Variants in ABCC5 observed in about 807,000 individuals in gnomAD.
ABCC5 encodes the protein ATP binding cassette subfamily C member 5.
In ABCC5, 61 loss-of-function variants were observed where a neutral mutation model predicts 160.9. The observed-to-expected ratio is 0.38, with a 90% CI of 0.31 to 0.47. The LOEUF (loss-of-function observed/expected upper bound fraction) is 0.47. Among genes scored for constraint, ABCC5 ranks in the 20% least tolerant of loss-of-function variants. ABCC5 has a pLI of 0.99. For synonymous variants in ABCC5, 666 were observed against 700.6 expected, an observed-to-expected ratio of 0.95 and a Z score of 0.78; for missense variants, 1,308 against 1,813.3, an observed-to-expected ratio of 0.72 and a Z score of 5.06.
At chr3:183,989,157 C>CAAAAAAAAAAAAAAAAAAAAAAAAAAAA in intron 3 of ABCC5, 69 bp downstream of exon 3, 1 of 473,422 alleles carries the variant, frequency 2.1e-6, no homozygotes, top group Non-Finnish European at 3.0e-6. Context: ...GACTCCATCT[C>CAAAAAAAAAAAAAAAAAAAAAAAAAAAA]AAAAAAAAAA....
chr3:183,940,387 T>C (rs1442961630), intron 25 of ABCC5, among the ~76,000 whole-genome samples: 1 of 137,496 alleles, frequency 7.3e-6, no homozygotes, highest in Non-Finnish European at 1.5e-5. Context: ...CATGTGCCTG[T>C]AATCCCAGCT....
intron 18 of ABCC5, 112 bp from the exon 19 acceptor site, chr3:183,952,115 C>T: frequency 9.6e-7 from 1 of 1,040,776 alleles, no homozygotes; most frequent in South Asian, 2.1e-5. Context: ...ATGACCCACC[C>T]TGGGACCTGG....
At chr3:183,956,222 AAATCACATCGGTTACATGCAGATCCG>A (rs1715929557) in intron 17 of ABCC5, among the ~76,000 whole-genome samples, 1 of 147,104 alleles carries the variant, frequency 6.8e-6, no homozygotes, top group Non-Finnish European at 1.5e-5. Context: ...ATCCGTGTGT[AAATCACATCGGTTACATGCAGATCCG>A]TGTGTAAATC....
chr3:183,942,687 A>G, intron 25 of ABCC5, 40 bp downstream of exon 25: 3 of 1,593,518 alleles, frequency 1.9e-6, no homozygotes, highest in Non-Finnish European at 2.6e-6. Context: ...ATAAACTGCT[A>G]CGTTCCAATG....
chr3:183,935,460 G>C (rs1713612069), intron 26 of ABCC5, among the ~76,000 whole-genome samples: 1 of 151,740 alleles, frequency 6.6e-6, no homozygotes, highest in African/African-American at 2.4e-5. Context: ...GATTACAGGT[G>C]TGAGCCACCG....
At chr3:183,984,468 G>C (rs184585852) in intron 5 of ABCC5, 49 of 1,041,622 alleles carry the variant, frequency 4.7e-5, no homozygotes, top group Middle Eastern at 9.4e-4. Context: ...CGGTCTGGAG[G>C]TAGCTACGCT....
chr3:183,996,281 G>A (rs1405542037), intron 2 of ABCC5, among the ~76,000 whole-genome samples: 1 of 152,126 alleles, frequency 6.6e-6, no homozygotes, highest in East Asian at 1.9e-4. Flanking sequence ...CCTCCGATCT[G>A]TAAGACTATT....
chr3:183,996,798 T>G (rs553638713), intron 2 of ABCC5, among the ~76,000 whole-genome samples: 9 of 152,360 alleles, frequency 5.9e-5, no homozygotes, highest in Admixed American at 5.9e-4. Context: ...AAAGTCTATA[T>G]TGTTGATCAA....
chr3:183,951,483 T>C lies in ABCC5; in HGVS notation c.2902A>G (p.Thr968Ala), dbSNP rs1205862579. Reference sequence around the variant, plus strand: ...GAAAACCTGTTGAGAATCCTCCCTGTGGGGGTCGTGTCAAAAAACTTCATA... The same window carrying C: ...GAAAACCTGTTGAGAATCCTCCCTGCGGGGGTCGTGTCAAAAAACTTCATA... ...SPMKFFDTTP[T>A]GRILNRFSKD... The change falls in exon 20 of 30, where the codon ACA becomes GCA. Residue 968 changes from threonine to alanine, a missense_variant. By Grantham distance (58) the Thr-to-Ala change is moderately conservative. Coordinates refer to ENST00000334444, the MANE Select transcript of ABCC5 (RefSeq NM_005688.4). This position sits in a 1 kb window ranked among gnomAD's most constrained non-coding sequence, Gnocchi z 4.7. 6.2e-6 allele frequency: 10 copies of C among 1,613,988 alleles called. No individual in the cohort carries two copies. The highest frequency in any genetic ancestry group is 8.5e-6 in the Non-Finnish European group (10 of 1,180,014).
intron 17 of ABCC5, among the ~76,000 whole-genome samples, chr3:183,954,133 T>C (rs555811725): frequency 1.5e-4 from 22 of 148,940 alleles, no homozygotes; most frequent in Non-Finnish European, 2.7e-4. Context: ...GGAAAGTTGG[T>C]TGGTCTCATG....
At chr3:183,934,744 T>C (rs1173332724) in intron 26 of ABCC5, among the ~76,000 whole-genome samples, 1 of 152,250 alleles carries the variant, frequency 6.6e-6, no homozygotes, top group East Asian at 1.9e-4. Flanking sequence ...CTCGAACTCC[T>C]GAGCTCAAGT....
At chr3:183,946,512 ATTTATT>A (rs1301423450) in intron 23 of ABCC5, among the ~76,000 whole-genome samples, 2 of 152,160 alleles carry the variant, frequency 1.3e-5, no homozygotes, top group Admixed American at 1.3e-4. Context: ...TCCTTTGACT[ATTTATT>A]TTTATCTTTT....
chr3:183,980,709 G>GTT (rs1718640636), intron 8 of ABCC5, among the ~76,000 whole-genome samples: 1 of 127,530 alleles, frequency 7.8e-6, no homozygotes. Context: ...TCTGAACACT[G>GTT]TTTTGTTTTT....
At chr3:183,984,230 T>C in intron 5 of ABCC5, 1 of 985,648 alleles carries the variant, frequency 1.0e-6, no homozygotes, top group African/African-American at 1.7e-5. Context: ...AAGGAAAAAC[T>C]GGTGGCATCC....
At chr3:183,936,601 G>A (rs1187789947) in intron 26 of ABCC5, among the ~76,000 whole-genome samples, 1 of 151,574 alleles carries the variant, frequency 6.6e-6, no homozygotes, top group Admixed American at 6.6e-5. Flanking sequence ...TCTGCCTCCC[G>A]GGTTCACACC....
rs28365010 is a variant in ABCC5, at chr3:183,978,493, G to A, written c.1296+10C>T. On this transcript the variant is annotated intron_variant, in intron 9 of 29. Transcript: ENST00000334444. ...TCTAAAATGTTCCCCATCCCTGAGG[G>A]TTCCCTGACCTGTGCTGCTGTCAGA... The A allele has an allele frequency of 1.9e-6, 3 of 1,605,274 alleles. No homozygotes were observed. Among genetic ancestry groups the A allele is most frequent in the Middle Eastern group, 1.8e-4 (1 of 5,680 alleles).
At chr3:183,993,069 C>T (rs1398094168) in intron 2 of ABCC5, among the ~76,000 whole-genome samples, 1 of 152,214 alleles carries the variant, frequency 6.6e-6, no homozygotes, top group Non-Finnish European at 1.5e-5. Context: ...GGGGGAATAA[C>T]ATTTCACTTA....
chr3:184,013,042 C>A (rs1433187216), intron 2 of ABCC5, among the ~76,000 whole-genome samples: 1 of 152,124 alleles, frequency 6.6e-6, no homozygotes, highest in East Asian at 1.9e-4. Context: ...TTATTAGGTA[C>A]TTTTGTAAGA....
chr3:184,008,580 A>G (rs1190974634), intron 2 of ABCC5, among the ~76,000 whole-genome samples: 1 of 152,248 alleles, frequency 6.6e-6, no homozygotes, highest in African/African-American at 2.4e-5. Flanking sequence ...AGTCCCGAAG[A>G]AAGTGGGTAG....
Sources: gnomAD v4.1 joint callset for allele counts (sites outside exome capture counted in the v4.1 genomes callset) on GRCh38, gnomAD v4.1.1 for gene constraint, Gnocchi (gnomAD v3.1) non-coding constraint, MANE v1.5 for transcripts, NCBI Gene and HGNC (gene_info 2026-07-23, HGNC 2026-07-21) for gene names.